ANKFN1: variants seen among roughly 807,000 people sequenced by gnomAD.
ANKFN1 encodes ankyrin repeat and fibronectin type III domain containing 1, also known as ankyrin repeat and fibronectin type-III domain-containing protein 1.
A neutral mutation model predicts 108.7 loss-of-function variants in ANKFN1; 74 were observed. The ratio of observed to expected loss-of-function variants is 0.68; its 90% CI spans 0.56 to 0.83. The LOEUF (loss-of-function observed/expected upper bound fraction) is 0.83. ANKFN1 is among the 40% of genes least tolerant of loss of function. ANKFN1 has a pLI of 0.00. For missense variants in ANKFN1, 1,505 were observed against 1,382.3 expected, an observed-to-expected ratio of 1.09 and a Z score of -1.41; for synonymous variants, 547 against 516.2, an observed-to-expected ratio of 1.06 and a Z score of -0.81.
At chr17:56,225,334 A>G (rs1916185384) in intron 2 of ANKFN1, among the ~76,000 whole-genome samples, 1 of 152,182 alleles carries the variant, frequency 6.6e-6, no homozygotes, top group Non-Finnish European at 1.5e-5. Context: ...AGCACTCCAT[A>G]TTATTAACTA....
intron 6 of ANKFN1, among the ~76,000 whole-genome samples, chr17:56,371,343 T>C (rs2046806460): frequency 6.6e-6 from 1 of 152,212 alleles, no homozygotes; most frequent in Admixed American, 6.5e-5. Context: ...AGACCGATGG[T>C]GCACAGAGGC....
In ANKFN1 at chr17:56,372,735, A is replaced by G; in HGVS notation, c.691A>G (p.Asn231Asp). Residue 231 changes from asparagine to aspartate, a missense_variant, in exon 7 of 21, where the codon AAT becomes GAT. Asn to Asp is a conservative substitution (Grantham distance 23). Coordinates refer to ENST00000682825, the MANE Select transcript of ANKFN1 (RefSeq NM_001370326.1). Reference sequence around the variant, plus strand: ...GAGTGAACTGTCTGCCCAGGTGGAGAATGAAGGATTCACTCTGGACAACAC... The same window carrying G: ...GAGTGAACTGTCTGCCCAGGTGGAGGATGAAGGATTCACTCTGGACAACAC... The part of the protein sequence containing the change: ...RVSELSAQVE[N>D]EGFTLDNTEK... 1 of 1,614,038 alleles carries G rather than the reference A, an allele frequency of 6.2e-7. No homozygotes were observed. Among genetic ancestry groups the G allele is most frequent in the South Asian group, 1.1e-5 (1 of 91,070 alleles).
At position 56,125,176 on chromosome 17, in the gene ANKFN1, A is replaced by G. The variant is rs146355721; in HGVS notation, c.288+78851A>G. Among the ~76,000 whole-genome samples, 61 of 152,222 alleles carry G rather than the reference A, an allele frequency of 4.0e-4. 1 individual carries two copies. In the Middle Eastern group the frequency reaches 0.01, roughly 25 times the overall value. ...TTTCATGTGTCTCATAGGAATTGAC[A>G]CTTTTGACCTTTCACTATGGGCAGC... On this transcript the variant is annotated intron_variant, in intron 4 of 12. Transcript: ENST00000635860.
chr17:56,325,791 A>G (rs973975604), intron 3 of ANKFN1, among the ~76,000 whole-genome samples: 4 of 152,208 alleles, frequency 2.6e-5, no homozygotes, highest in Non-Finnish European at 5.9e-5. Context: ...AGGGCTGTAG[A>G]TCATTTGCAC....
chr17:56,089,811 A>G (rs146070005), intron 4 of ANKFN1, among the ~76,000 whole-genome samples: 1,957 of 151,382 alleles, frequency 0.013, 100 homozygotes, highest in African/African-American at 0.045. Flanking sequence ...GCTATTTACC[A>G]GCCGGGTCAT....
chr17:56,067,592 A>T (rs945120474), intron 4 of ANKFN1, among the ~76,000 whole-genome samples: 1 of 152,226 alleles, frequency 6.6e-6, no homozygotes, highest in South Asian at 2.1e-4. Context: ...TGTCACATTT[A>T]GCTAAGTGTT....
Position 56,467,729 on chromosome 17 carries a change from GAGAAAGAAAGAAACAA to G in ANKFN1, c.1773+1172_1773+1187del, listed in dbSNP as rs1190329175. ...AGAAAGAGAGAGAAAGAAAGAAAGA[GAGAAAGAAAGAAACAA>G]AGAAAGAAAGAAAGAAAGAAAGAAA... is the stretch of plus-strand genomic sequence containing the variant. On this transcript the variant is annotated intron_variant, in intron 15 of 20. Transcript: ENST00000682825. Among the ~76,000 whole-genome samples the G allele has an allele frequency of 6.9e-4, 84 of 121,636 alleles. 1 individual carries two copies. Among genetic ancestry groups the G allele is most frequent in the African/African-American group, 2.5e-3 (75 of 29,768 alleles). The allele number at this position is 121,636 out of a possible 152,430, so 79.8% of individuals were successfully genotyped here.
rs745819976 is a variant in ANKFN1 at position 56,456,852 on chromosome 17, A to G, written c.1208-9A>G. ...GAATTTATACTGTATTTTTTAAAAT[A>G]CATTCCAGAAAGCACAAAATTACAA... On this transcript the variant is annotated splice_polypyrimidine_tract_variant and intron_variant, in intron 11 of 20. Transcript: ENST00000682825. The G allele has an allele frequency of 2.5e-6, 4 of 1,611,942 alleles. No homozygotes were observed. The African/African-American group carries it at 4.0e-5, about 16-fold the overall frequency.
chr17:56,222,188 G>A (rs1915939315), intron 2 of ANKFN1, among the ~76,000 whole-genome samples: 1 of 152,128 alleles, frequency 6.6e-6, no homozygotes, highest in African/African-American at 2.4e-5. Flanking sequence ...GACTTGCCAC[G>A]CTCTGCACTT....
intron 3 of ANKFN1, among the ~76,000 whole-genome samples, chr17:56,292,926 C>G (rs2044403620): frequency 6.6e-6 from 1 of 152,204 alleles, no homozygotes; most frequent in Admixed American, 6.5e-5. Flanking sequence ...CAGCTGAAAT[C>G]TAATAACTAT....
chr17:56,304,050 T>C (rs1426158666), intron 3 of ANKFN1, among the ~76,000 whole-genome samples: 1 of 151,972 alleles, frequency 6.6e-6, no homozygotes, highest in East Asian at 1.9e-4. Context: ...TTCCATCCAA[T>C]GATAACAGTA....
chr17:56,273,128 G>A lies in ANKFN1; in HGVS notation c.53+45171G>A, dbSNP rs368959866. Among the ~76,000 whole-genome samples, 4 of 152,230 alleles carry A rather than the reference G, an allele frequency of 2.6e-5. No homozygotes were observed. In the East Asian group the frequency reaches 5.8e-4, roughly 22 times the overall value. On this transcript the variant is annotated intron_variant, in intron 3 of 20. Transcript: ENST00000682825. ...CCGAATCTCTCTAAAAAATACTTTG[G>A]TGTTTCCTTTCTTTTTTTATATTTA...
At chr17:56,478,463 T>A (rs1175364609) in intron 16 of ANKFN1, among the ~76,000 whole-genome samples, 2 of 152,198 alleles carry the variant, frequency 1.3e-5, no homozygotes, top group African/African-American at 2.4e-5. Flanking sequence ...CCTGAGGACC[T>A]TGTATGTTTT....
intron 3 of ANKFN1, among the ~76,000 whole-genome samples, chr17:56,294,790 C>T (rs898892659): frequency 3.3e-5 from 5 of 152,334 alleles, no homozygotes; most frequent in African/African-American, 1.2e-4. Flanking sequence ...TAATTCTAAA[C>T]TTTCTGTACT....
intron 20 of ANKFN1, among the ~76,000 whole-genome samples, chr17:56,510,058 A>G (rs901868676): frequency 6.6e-6 from 1 of 152,234 alleles, no homozygotes; most frequent in African/African-American, 2.4e-5. Context: ...AATTCCTGCT[A>G]CTTTGTCAAA....
At chr17:56,142,506 T>A (rs1907988480) in intron 4 of ANKFN1, among the ~76,000 whole-genome samples, 1 of 152,176 alleles carries the variant, frequency 6.6e-6, no homozygotes, top group East Asian at 1.9e-4. Context: ...ACTTTAATCA[T>A]CTGCACCACA....
Position 56,326,010 on chromosome 17 carries a change from C to T in ANKFN1, c.54-211C>T, listed in dbSNP as rs181999255. Among the ~76,000 whole-genome samples, 3 of 152,288 alleles carry T rather than the reference C, an allele frequency of 2.0e-5. No individual in the cohort carries two copies. The East Asian group carries it at 5.8e-4, about 29-fold the overall frequency. ...AAGCACACACTGAAGTCATGGTATC[C>T]TTTCACTACACGCACACAAGCTACA... On this transcript the variant is annotated intron_variant, in intron 3 of 20. Transcript: ENST00000682825.
chr17:56,326,454 T>C, intron 4 of ANKFN1, 99 bp downstream of exon 4: 2 of 1,436,542 alleles, frequency 1.4e-6, no homozygotes, highest in Non-Finnish European at 1.8e-6. Context: ...GCTTAAATGA[T>C]ACTTAAAAAT....
At chr17:56,170,401 C>T (rs999604120) in intron 1 of ANKFN1, among the ~76,000 whole-genome samples, 1 of 152,058 alleles carries the variant, frequency 6.6e-6, no homozygotes, top group Admixed American at 6.5e-5. Flanking sequence ...AGACAGGTTG[C>T]TGGAGCTAAG....
Sources: allele counts gnomAD v4.1 joint callset (sites outside exome capture counted in the v4.1 genomes callset), GRCh38; gene constraint gnomAD v4.1.1; transcripts MANE v1.5; gene names NCBI Gene and HGNC (gene_info 2026-07-23, HGNC 2026-07-21).